The following TSPYL6 variants were observed in gnomAD, a reference collection of about 807,000 sequenced individuals.
The protein encoded by TSPYL6 is testis-specific Y-encoded-like protein 6.
For synonymous variants in TSPYL6, 259 were observed against 214.8 expected (o/e 1.21, Z -1.80); for missense variants, 699 against 531.5 (o/e 1.32, Z -3.10).
chr2:54,253,544 T>A lies in TSPYL6; in HGVS notation c.*1375A>T, dbSNP rs1687336690. 1 of 152,176 alleles carries A rather than the reference T, an allele frequency of 6.6e-6. No homozygotes were observed. 9.4% of individuals were successfully genotyped at this position (152,176 alleles called of 1,614,324 possible). A position where few individuals can be genotyped will look rare whatever the true frequency, so the allele number is the denominator to read the frequency against. ...AAAGAACCCTTCTCTAGGGAACATA[T>A]TTAACACTCCAACCATCTTCTATTC... is the stretch of plus-strand genomic sequence containing the variant. On this transcript the variant is annotated 3_prime_UTR_variant, in exon 1 of 1. Transcript: ENST00000317802.
Position 54,255,549 on chromosome 2 carries a change from G to A in TSPYL6, c.603C>T (p.His201=), listed in dbSNP as rs1383942433. ...GCTGGATGGACTCCAGGGGGTTCAG[G>A]TGGAGACCCACGTTCAGGGGCCCGG... ...PGPGPLNVGL[H]LNPLESIQLE... is the part of the protein sequence containing the mutation. Residue 201 remains histidine, a synonymous_variant, in exon 1 of 1, where the codon CAC becomes CAT. Coordinates refer to ENST00000317802, the MANE Select transcript of TSPYL6 (RefSeq NM_001003937.3). 3 of 1,612,916 alleles carry A rather than the reference G, an allele frequency of 1.9e-6. No individual in the cohort carries two copies. The highest frequency in any genetic ancestry group is 2.2e-5 in the East Asian group (1 of 44,802).
Position 54,255,147 on chromosome 2 carries a change from T to C in TSPYL6, c.1005A>G (p.Gly335=). 6.2e-7 allele frequency: 1 copy of C among 1,613,984 alleles called. No homozygotes were observed. The highest frequency in any genetic ancestry group is 8.5e-7 in the Non-Finnish European group (1 of 1,180,016). Residue 335 remains glycine (G), a synonymous_variant, in exon 1 of 1, where the codon GGA becomes GGG. Transcript: ENST00000317802. ...STLIMWRRGH[G]PQSFIHRNRH... ...GGTTCCTATGAATGAAGGACTGGGG[T>C]CCATGGCCCCGGCGCCACATGATTA...
Position 54,256,056 on chromosome 2 carries a change from C to A in TSPYL6, c.96G>T (p.Ala32=). 6.2e-7 allele frequency: 1 copy of A among 1,614,178 alleles called. No homozygotes were observed. The highest frequency in any genetic ancestry group is 8.5e-7 in the Non-Finnish European group (1 of 1,180,052). ...QGQRSREKSK[A]TEVMADMFDG... is the part of the protein sequence containing the mutation. ...CAAACATATCTGCCATTACCTCTGTCGCCTTGCTCTTTTCTCGGGACCTCT... is the reference window on the plus strand; with the variant it reads ...CAAACATATCTGCCATTACCTCTGTAGCCTTGCTCTTTTCTCGGGACCTCT... Residue 32 remains alanine, a synonymous_variant, in exon 1 of 1, where the codon GCG becomes GCT. Transcript: ENST00000317802.
rs769457114 is a variant in TSPYL6 at position 54,255,423 on chromosome 2, G to A, written c.729C>T (p.Asp243=). ...AGAAGCCCGGGATATTGCGAATGAT[G>A]TCATTCCTCTGCTCCAGGTAGTATT... ...IHEYYLEQRN[D]IIRNIPGFWV... Residue 243 remains aspartate (D), a synonymous_variant, in exon 1 of 1, where the codon GAC becomes GAT. Coordinates refer to ENST00000317802, the MANE Select transcript of TSPYL6 (RefSeq NM_001003937.3). 3 of 1,614,068 alleles carry A rather than the reference G, an allele frequency of 1.9e-6. No homozygotes were observed. The Admixed American group carries it at 5.0e-5, about 27-fold the overall frequency.
Position 54,255,691 on chromosome 2 carries a change from T to A in TSPYL6, c.461A>T (p.Glu154Val), listed in dbSNP as rs375133201. ...CACTGGGGCTGAGAACATGGCACAC[T>A]CCTCAGGCTTCACGTCCTCGGCCTT... ...EGKAEDVKPEECAMFSAPVDE... is the reference protein window; with the variant it reads ...EGKAEDVKPEVCAMFSAPVDE... The change falls in exon 1 of 1, where the codon GAG becomes GTG. Residue 154 changes from glutamate to valine, a missense_variant. Coordinates refer to ENST00000317802, the MANE Select transcript of TSPYL6 (RefSeq NM_001003937.3). The A allele has an allele frequency of 4.3e-6, 7 of 1,613,748 alleles. No homozygotes were observed. Among genetic ancestry groups the A allele is most frequent in the Middle Eastern group, 3.3e-4 (2 of 6,084 alleles).
In TSPYL6 at chr2:54,255,157, C is replaced by T. The variant is rs770223555; in HGVS notation, c.995G>A (p.Arg332Gln). 6 of 1,614,032 alleles carry T rather than the reference C, an allele frequency of 3.7e-6. No homozygotes were observed. Among genetic ancestry groups the T allele is most frequent in the African/African-American group, 1.3e-5 (1 of 74,906 alleles). ...AATGAAGGACTGGGGTCCATGGCCC[C>T]GGCGCCACATGATTAGAGTGGAAAA... ...VSFSTLIMWR[R>Q]GHGPQSFIHR... Residue 332 changes from arginine to glutamine, a missense_variant, in exon 1 of 1, where the codon CGG (arginine) becomes CAG (glutamine). Coordinates refer to ENST00000317802, the MANE Select transcript of TSPYL6 (RefSeq NM_001003937.3).
In TSPYL6 at chr2:54,255,002, C is replaced by T; in HGVS notation, c.1150G>A (p.Gly384Ser). 1.2e-6 allele frequency: 2 copies of T among 1,614,012 alleles called. No homozygotes were observed. Among genetic ancestry groups the T allele is most frequent in the Non-Finnish European group, 1.7e-6 (2 of 1,179,984 alleles). ...CGTCTAGCTCTATGGGCGTCTTCAC[C>T]CAACAGGTAGTACTGCAGTGGATTT... Reference protein sequence around the residue: ...WSNPLQYYLLGEDAHRARRRL... With the variant: ...WSNPLQYYLLSEDAHRARRRL... Residue 384 changes from glycine (G) to serine (S), a missense_variant, in exon 1 of 1, where the codon GGT becomes AGT. Transcript: ENST00000317802.
rs755328452 is a variant in TSPYL6 at position 54,256,011 on chromosome 2, G to A, written c.141C>T (p.Ile47=). Residue 47 remains isoleucine (I), a synonymous_variant, in exon 1 of 1, where the codon ATC becomes ATT. Transcript: ENST00000317802. The part of the protein sequence containing the change: ...ADMFDGRLEP[I]VFPPPRLPEE... ...CTGGAAGCCGGGGCGGTGGGAACAC[G>A]ATTGGCTCCAAGCGGCCATCAAACA... is the stretch of plus-strand genomic sequence containing the variant. 6 of 1,614,128 alleles carry A rather than the reference G, an allele frequency of 3.7e-6. No homozygotes were observed. The South Asian group carries it at 5.5e-5, about 15-fold the overall frequency.
At position 54,254,680 on chromosome 2, in the gene TSPYL6, T is replaced by C. The variant is rs1230715508; in HGVS notation, c.*239A>G. The C allele has an allele frequency of 1.9e-6, 1 of 520,328 alleles. No individual in the cohort carries two copies. Among genetic ancestry groups the C allele is most frequent in the Non-Finnish European group, 3.4e-6 (1 of 293,710 alleles). 32.2% of individuals were successfully genotyped at this position (520,328 alleles called of 1,614,324 possible). On this transcript the variant is annotated 3_prime_UTR_variant, in exon 1 of 1. Coordinates refer to ENST00000317802, the MANE Select transcript of TSPYL6 (RefSeq NM_001003937.3). ...ATCATTCGCTTCGCTTAGAAGGATGTGACCCATCGGCTGGGAGCATGTGAT... is the reference window on the plus strand; with the variant it reads ...ATCATTCGCTTCGCTTAGAAGGATGCGACCCATCGGCTGGGAGCATGTGAT...
rs776617090 is a variant in TSPYL6 at position 54,255,869 on chromosome 2, C to T, written c.283G>A (p.Ala95Thr). 1.2e-6 allele frequency: 2 copies of T among 1,613,906 alleles called. No homozygotes were observed. Among genetic ancestry groups the T allele is most frequent in the East Asian group, 2.2e-5 (1 of 44,848 alleles). Reference sequence around the variant, plus strand: ...GCAGAGGCCGCTTCTAGGCCCTCCGCGGGTGGTGGAGTCACTTCCTGCCCC... The same window carrying T: ...GCAGAGGCCGCTTCTAGGCCCTCCGTGGGTGGTGGAGTCACTTCCTGCCCC... Reference protein sequence around the residue: ...KAGQEVTPPPAEGLEAASASL... With the variant: ...KAGQEVTPPPTEGLEAASASL... Residue 95 changes from alanine to threonine, a missense_variant, in exon 1 of 1, where the codon GCG becomes ACG. Transcript: ENST00000317802.
chr2:54,255,973 G>A lies in TSPYL6; in HGVS notation c.179C>T (p.Ala60Val), dbSNP rs6743719. Residue 60 changes from alanine (A) to valine (V), a missense_variant, in exon 1 of 1, where the codon GCG becomes GTG. Ala to Val is a moderately conservative substitution (Grantham distance 64). Transcript: ENST00000317802. ...GCCACCATCTGCGGGATCCTGGGGC[G>A]CGACCCCCTCCTCTGGAAGCCGGGG... ...PPPRLPEEGV[A>V]PQDPADGGHT... 3.5e-3 allele frequency: 5,629 copies of A among 1,614,050 alleles called. 160 individuals are homozygous for A. In the African/African-American group the frequency reaches 0.063, roughly 18 times the overall value.
rs1264418391 is a variant in TSPYL6 at position 54,256,101 on chromosome 2, C to G, written c.51G>C (p.Leu17=). 6.2e-7 allele frequency: 1 copy of G among 1,614,154 alleles called. No homozygotes were observed. Residue 17 remains leucine, a synonymous_variant, in exon 1 of 1, where the codon CTG becomes CTC. Transcript: ENST00000317802. ...ACCTCTGGCCCTGGTGCGGGTCTTCCAGAGCATAGTCGAGAGTAGCGGGGC... is the reference window on the plus strand; with the variant it reads ...ACCTCTGGCCCTGGTGCGGGTCTTCGAGAGCATAGTCGAGAGTAGCGGGGC... ...PHSPATLDYA[L]EDPHQGQRSR... is the part of the protein sequence containing the mutation.
Position 54,255,153 on chromosome 2 carries a change from G to A in TSPYL6, c.999C>T (p.Gly333=). ...TATGAATGAAGGACTGGGGTCCATG[G>A]CCCCGGCGCCACATGATTAGAGTGG... ...SFSTLIMWRR[G]HGPQSFIHRN... The change falls in exon 1 of 1, where the codon GGC becomes GGT. Residue 333 remains glycine (G), a synonymous_variant. Coordinates refer to ENST00000317802, the MANE Select transcript of TSPYL6 (RefSeq NM_001003937.3). 1.2e-6 allele frequency: 2 copies of A among 1,614,160 alleles called. No individual in the cohort carries two copies. Among genetic ancestry groups the A allele is most frequent in the Non-Finnish European group, 1.7e-6 (2 of 1,180,024 alleles).
In TSPYL6 at chr2:54,255,774, C is replaced by A. The variant is rs772753210; in HGVS notation, c.378G>T (p.Glu126Asp). 3 of 1,613,928 alleles carry A rather than the reference C, an allele frequency of 1.9e-6. No homozygotes were observed. Among genetic ancestry groups the A allele is most frequent in the Non-Finnish European group, 1.7e-6 (2 of 1,180,040 alleles). The change falls in exon 1 of 1, where the codon GAG becomes GAT. Residue 126 changes from glutamate to aspartate, a missense_variant. By Grantham distance (45) the Glu-to-Asp change is conservative. Transcript: ENST00000317802. ...PGEETHGLGGEKALETCGAGR... is the reference protein window; with the variant it reads ...PGEETHGLGGDKALETCGAGR... ...CTGCCCCACAGGTTTCTAGAGCCTT[C>A]TCCCCACCTAGGCCGTGCGTCTCTT...
At position 54,255,122 on chromosome 2, in the gene TSPYL6, G is replaced by C. The variant is rs754823930; in HGVS notation, c.1030C>G (p.Arg344Gly). 8 of 1,614,108 alleles carry C rather than the reference G, an allele frequency of 5.0e-6. No individual in the cohort carries two copies. Among genetic ancestry groups the C allele is most frequent in the Non-Finnish European group, 6.8e-6 (8 of 1,180,018 alleles). The stretch of plus-strand genomic sequence containing the variant: ...GTGAAGAAGCTGCAGATGACATGTC[G>C]GTTCCTATGAATGAAGGACTGGGGT... ...HGPQSFIHRN[R>G]HVICSFFTWF... is the part of the protein sequence containing the mutation. Residue 344 changes from arginine (R) to glycine (G), a missense_variant, in exon 1 of 1, where the codon CGA becomes GGA. Transcript: ENST00000317802.
At position 54,254,675 on chromosome 2, in the gene TSPYL6, G is replaced by A; in HGVS notation, c.*244C>T. 2.0e-6 allele frequency: 1 copy of A among 508,086 alleles called. No individual in the cohort carries two copies. Among genetic ancestry groups the A allele is most frequent in the South Asian group, 3.1e-5 (1 of 32,646 alleles). The allele number at this position is 508,086 out of a possible 1,614,324, so 31.5% of individuals were successfully genotyped here. ...ACAGCATCATTCGCTTCGCTTAGAAGGATGTGACCCATCGGCTGGGAGCAT... is the reference window on the plus strand; with the variant it reads ...ACAGCATCATTCGCTTCGCTTAGAAAGATGTGACCCATCGGCTGGGAGCAT... On this transcript the variant is annotated 3_prime_UTR_variant, in exon 1 of 1. Transcript: ENST00000317802.
In TSPYL6 at chr2:54,254,909, A is replaced by C; in HGVS notation, c.*10T>G. 6.2e-7 allele frequency: 1 copy of C among 1,600,178 alleles called. No homozygotes were observed. On this transcript the variant is annotated 3_prime_UTR_variant, in exon 1 of 1. Coordinates refer to ENST00000317802, the MANE Select transcript of TSPYL6 (RefSeq NM_001003937.3). ...GCAACCTTCTGCAGGAGTAATTCCA[A>C]AGGCAAAGGTTAACCACACTGGAAC...
Position 54,256,094 on chromosome 2 carries a change from G to T in TSPYL6, c.58C>A (p.Pro20Thr), listed in dbSNP as rs779978634. The T allele has an allele frequency of 6.2e-7, 1 of 1,614,136 alleles. No individual in the cohort carries two copies. Among genetic ancestry groups the T allele is most frequent in the African/African-American group, 1.3e-5 (1 of 75,034 alleles). The change falls in exon 1 of 1, where the codon CCG (proline) becomes ACG (threonine). Residue 20 changes from proline (P) to threonine (T), a missense_variant. Transcript: ENST00000317802. ...PATLDYALED[P>T]HQGQRSREKS... is the part of the protein sequence containing the mutation. ...TCTCGGGACCTCTGGCCCTGGTGCGGGTCTTCCAGAGCATAGTCGAGAGTA... is the reference window on the plus strand; with the variant it reads ...TCTCGGGACCTCTGGCCCTGGTGCGTGTCTTCCAGAGCATAGTCGAGAGTA...
chr2:54,256,205 G>A lies in TSPYL6; in HGVS notation c.-54C>T, dbSNP rs951143087. ...AGAGGCCAGGCCAGAGGTAGGTAGC[G>A]TCAACGTTCCTCACACAAAATGGCG... is the stretch of plus-strand genomic sequence containing the variant. On this transcript the variant is annotated 5_prime_UTR_variant, in exon 1 of 1. The change creates a new upstream start codon in the 5' untranslated region. Coordinates refer to ENST00000317802, the MANE Select transcript of TSPYL6 (RefSeq NM_001003937.3). The A allele has an allele frequency of 5.2e-6, 8 of 1,537,228 alleles. No individual in the cohort carries two copies. Among genetic ancestry groups the A allele is most frequent in the Admixed American group, 2.1e-5 (1 of 48,442 alleles).
Sources: allele counts gnomAD v4.1 joint callset, GRCh38; gene constraint gnomAD v4.1.1; transcripts MANE v1.5; gene names NCBI Gene and HGNC (gene_info 2026-07-23, HGNC 2026-07-21).